PARN: variants seen among roughly 807,000 people sequenced by gnomAD.
PARN encodes poly(A)-specific ribonuclease.
PARN carries 71 observed loss-of-function variants against 102.8 expected under a neutral mutation model. The ratio of observed to expected loss-of-function variants is 0.69; its 90% CI spans 0.57 to 0.84. The LOEUF is 0.84. Ranked by LOEUF, PARN falls within the 40% of genes least tolerant of loss-of-function variation. PARN has a pLI of 0.00. For missense variants in PARN, 782 were observed against 760.9 expected (o/e 1.03, Z -0.33); for synonymous variants, 261 against 252.9 (o/e 1.03, Z -0.30).
Position 14,438,447 on chromosome 16 carries a change from G to GGC in PARN, c.1865-1676_1865-1675insGC, listed in dbSNP as rs1960807030. On this transcript the variant is annotated intron_variant, in intron 23 of 23. Coordinates refer to ENST00000437198, the MANE Select transcript of PARN (RefSeq NM_002582.4). ...ATCTGCACCTGCCATTAGTTGGGGG[G>GGC]GGGGGTGTGTGAGTGCACAGTGAGC... Among the ~76,000 whole-genome samples the GGC allele has an allele frequency of 2.7e-5, 4 of 150,404 alleles. 1 individual carries two copies. The South Asian group carries it at 8.5e-4, about 32-fold the overall frequency.
chr16:14,563,529 ATTCTT>A (rs1968230168), intron 18 of PARN, among the ~76,000 whole-genome samples: 1 of 126,116 alleles, frequency 7.9e-6, no homozygotes, highest in African/African-American at 3.1e-5. Flanking sequence ...TGTGTATATA[ATTCTT>A]TTAAGTTCTG....
chr16:14,551,290 T>C (rs1364826147), intron 21 of PARN, among the ~76,000 whole-genome samples: 1 of 151,678 alleles, frequency 6.6e-6, no homozygotes, highest in Non-Finnish European at 1.5e-5. Context: ...AAAACAAGGC[T>C]GGGCATTGTG....
At chr16:14,454,182 G>A (rs547134754) in intron 22 of PARN, among the ~76,000 whole-genome samples, 147 of 152,116 alleles carry the variant, frequency 9.7e-4, no homozygotes, top group African/African-American at 3.1e-3. Context: ...TATTAGATAC[G>A]CAGTTTGAAA....
intron 21 of PARN, among the ~76,000 whole-genome samples, chr16:14,503,868 T>G (rs1964748024): frequency 6.6e-6 from 1 of 152,232 alleles, no homozygotes; most frequent in Non-Finnish European, 1.5e-5. Flanking sequence ...TCAAGATGTT[T>G]CAATCATACA....
chr16:14,561,960 T>C (rs2151720785), intron 18 of PARN, among the ~76,000 whole-genome samples: 1 of 151,708 alleles, frequency 6.6e-6, no homozygotes, highest in East Asian at 2.0e-4. Context: ...CAGACTGGCC[T>C]TGCCAATATG....
intron 7 of PARN, 25 bp downstream of exon 7, chr16:14,610,619 G>A (rs752688048): frequency 3.9e-5 from 57 of 1,480,020 alleles, no homozygotes; most frequent in Middle Eastern, 3.4e-4. Flanking sequence ...CACAATGCAC[G>A]CTTAGTTTTA....
intron 21 of PARN, among the ~76,000 whole-genome samples, chr16:14,543,369 T>C (rs1173666055): frequency 2.0e-5 from 3 of 152,228 alleles, no homozygotes; most frequent in Non-Finnish European, 4.4e-5. Context: ...AACCTGGATC[T>C]TCAGGCATGA....
intron 18 of PARN, among the ~76,000 whole-genome samples, chr16:14,572,216 G>C (rs1319623715): frequency 6.6e-6 from 1 of 152,164 alleles, no homozygotes; most frequent in Non-Finnish European, 1.5e-5. Flanking sequence ...TGACACACGG[G>C]GTCCCTTAAC....
intron 12 of PARN, among the ~76,000 whole-genome samples, chr16:14,597,829 A>G (rs1970618137): frequency 6.6e-6 from 1 of 152,112 alleles, no homozygotes; most frequent in Non-Finnish European, 1.5e-5. Context: ...ACAAAACAGC[A>G]ATCAATACCA....
intron 11 of PARN, among the ~76,000 whole-genome samples, chr16:14,603,006 C>T (rs776760612): frequency 6.6e-6 from 1 of 152,108 alleles, no homozygotes; most frequent in Admixed American, 6.6e-5. Flanking sequence ...CTGCAACCTC[C>T]ACCTCCCGGG....
chr16:14,447,651 T>G (rs1457338228), intron 22 of PARN, among the ~76,000 whole-genome samples: 1 of 152,252 alleles, frequency 6.6e-6, no homozygotes, highest in African/African-American at 2.4e-5. Flanking sequence ...GAAAGCTTTA[T>G]AGGCTTTGAC....
chr16:14,607,712 TC>T (rs1971279964), intron 9 of PARN, among the ~76,000 whole-genome samples: 1 of 152,146 alleles, frequency 6.6e-6, no homozygotes, highest in South Asian at 2.1e-4. Flanking sequence ...CAAAGTATAT[TC>T]CCAGTATACA....
At position 14,482,664 on chromosome 16, in the gene PARN, CAGGGTGT is replaced by C; in HGVS notation, c.1637_1643del (p.Tyr546CysfsTer17). 1.9e-6 allele frequency: 3 copies of C among 1,607,488 alleles called. No individual in the cohort carries two copies. The highest frequency in any genetic ancestry group is 2.5e-6 in the Non-Finnish European group (3 of 1,177,686). ...TATTGTTGCGGTAATAGTGATTCTG[CAGGGTGT>C]AGGGTATGCACTGGGGGTTTAACCG... On this transcript the variant is annotated frameshift_variant, in exon 22 of 24. Transcript: ENST00000437198. LOFTEE classifies it high-confidence loss of function.
chr16:14,548,107 G>A (rs1386310515), intron 21 of PARN, among the ~76,000 whole-genome samples: 1 of 151,938 alleles, frequency 6.6e-6, no homozygotes, highest in Non-Finnish European at 1.5e-5. Context: ...AATTAGCCGG[G>A]AGTGGAGGCA....
rs540759324 is a variant in PARN at position 14,498,298 on chromosome 16, G to T, written c.1481-15471C>A. ...TGAGTCATGGCCCCTGGGAGGGAGGGTGTCTGTCACCAAAAGCAGCCTCTC... is the reference window on the plus strand; with the variant it reads ...TGAGTCATGGCCCCTGGGAGGGAGGTTGTCTGTCACCAAAAGCAGCCTCTC... On this transcript the variant is annotated intron_variant, in intron 21 of 23. Transcript: ENST00000437198. Among the ~76,000 whole-genome samples the T allele has an allele frequency of 5.9e-5, 9 of 152,182 alleles. No homozygotes were observed. In the East Asian group the frequency reaches 1.7e-3, roughly 29 times the overall value.
intron 6 of PARN, among the ~76,000 whole-genome samples, chr16:14,617,060 G>GT: frequency 1.4e-5 from 2 of 141,464 alleles, no homozygotes; most frequent in Non-Finnish European, 3.1e-5. Context: ...GGCTGATTAT[G>GT]TTTTTTGTTT....
chr16:14,596,233 A>G (rs1363867631), intron 12 of PARN, among the ~76,000 whole-genome samples: 3 of 152,178 alleles, frequency 2.0e-5, no homozygotes, highest in Non-Finnish European at 4.4e-5. Flanking sequence ...CAAGAATACC[A>G]GAAAGCAAAG....
intron 5 of PARN, among the ~76,000 whole-genome samples, chr16:14,620,069 C>CAAA (rs1167781322): frequency 9.7e-4 from 46 of 47,342 alleles, no homozygotes; most frequent in Non-Finnish European, 1.2e-3. Context: ...GACTCTGTCT[C>CAAA]AAAAAAAAAA....
chr16:14,559,521 G>A (rs536292059), intron 18 of PARN, among the ~76,000 whole-genome samples: 1 of 152,032 alleles, frequency 6.6e-6, no homozygotes, highest in East Asian at 1.9e-4. Flanking sequence ...GGAGAATGCA[G>A]TGTCCATCCC....
Sources: allele counts gnomAD v4.1 joint callset (sites outside exome capture counted in the v4.1 genomes callset), GRCh38; gene constraint gnomAD v4.1.1; transcripts MANE v1.5; gene names NCBI Gene and HGNC (gene_info 2026-07-23, HGNC 2026-07-21).